Variants in MAP2K5 observed in about 807,000 individuals in gnomAD.
MAP2K5 encodes the protein mitogen-activated protein kinase kinase 5, also known as dual specificity mitogen-activated protein kinase kinase 5.
MAP2K5 carries 49 observed loss-of-function variants against 83.1 expected under a neutral mutation model. The ratio of observed to expected loss-of-function variants is 0.59; its 90% confidence interval spans 0.47 to 0.75. The LOEUF is 0.75. Among genes scored for constraint, MAP2K5 ranks in the 30% least tolerant of loss-of-function variants. The pLI, the probability that MAP2K5 is intolerant of heterozygous loss-of-function variation, is 0.00. For missense variants in MAP2K5, 457 were observed against 557.5 expected, an observed-to-expected ratio of 0.82 and a Z score of 1.82; for synonymous variants, 202 against 191.8, an observed-to-expected ratio of 1.05 and a Z score of -0.44.
Position 67,806,726 on chromosome 15 carries a change from G to A in MAP2K5, c.1323G>A (p.Arg441=). Residue 441 remains arginine, a synonymous_variant, in exon 22 of 22, where the codon AGG becomes AGA. Transcript: ENST00000178640. ...SMWVCRALEE[R]RSQQGPP ...GGGTGTGCCGGGCGCTGGAGGAGAG[G>A]CGGAGCCAGCAGGGGCCCCCGTGAG... 2 of 1,552,490 alleles carry A rather than the reference G, an allele frequency of 1.3e-6. No individual in the cohort carries two copies. Among genetic ancestry groups the A allele is most frequent in the Non-Finnish European group, 1.7e-6 (2 of 1,148,994 alleles).
rs1436483445 is a variant in MAP2K5, at chr15:67,562,195, A to T, written c.185-1088A>T. ...CCAGACGTTTTTGGCATTTCTTTCAACTGTGCATTTACAGTCTACTACATA... is the reference window on the plus strand; with the variant it reads ...CCAGACGTTTTTGGCATTTCTTTCATCTGTGCATTTACAGTCTACTACATA... On this transcript the variant is annotated intron_variant, in intron 2 of 21. Coordinates refer to ENST00000178640, the MANE Select transcript of MAP2K5 (RefSeq NM_145160.3). The surrounding 1 kb of genome is among the most constrained non-coding windows in gnomAD (Gnocchi z 4.1). 1.3e-5 allele frequency among the ~76,000 whole-genome samples: 2 copies of T among 152,166 alleles called. No homozygotes were observed. Among genetic ancestry groups the T allele is most frequent in the Non-Finnish European group, 2.9e-5 (2 of 68,032 alleles).
At chr15:67,583,473 G>GT (rs1281103588) in intron 4 of MAP2K5, among the ~76,000 whole-genome samples, 2 of 151,844 alleles carry the variant, frequency 1.3e-5, no homozygotes, top group African/African-American at 2.4e-5. Flanking sequence ...TTATTTCTGT[G>GT]TTTTTTTAAT....
chr15:67,586,808 G>C, intron 5 of MAP2K5, 38 bp from the exon 6 acceptor site: 1 of 1,589,790 alleles, frequency 6.3e-7, no homozygotes, highest in Non-Finnish European at 8.6e-7. Flanking sequence ...TGTGTCCTCA[G>C]AACACAAGAC....
intron 3 of MAP2K5, among the ~76,000 whole-genome samples, chr15:67,569,017 A>C (rs968757419): frequency 1.5e-4 from 22 of 151,256 alleles, no homozygotes; most frequent in Non-Finnish European, 2.4e-4. Context: ...AAAAAAAAAA[A>C]AACAAAAAAA....
At chr15:67,673,424 T>TA (rs1235147340) in intron 13 of MAP2K5, among the ~76,000 whole-genome samples, 4 of 152,184 alleles carry the variant, frequency 2.6e-5, no homozygotes, top group Admixed American at 2.6e-4. Context: ...TTAAAAATGT[T>TA]ATAAGAATAT....
intron 4 of MAP2K5, among the ~76,000 whole-genome samples, chr15:67,581,556 A>G (rs2085179687): frequency 6.6e-6 from 1 of 152,236 alleles, no homozygotes; most frequent in Admixed American, 6.5e-5. Context: ...ATGTTTTCTA[A>G]CTAATGGAAC....
chr15:67,801,204 A>G lies in MAP2K5; in HGVS notation c.1243-5442A>G, dbSNP rs1205821251. Reference sequence around the variant, plus strand: ...GGGAGATGCATAGAGCCTTCAAGCAAGGCTCACAGGTCCAGCAATGAAAGG... The same window carrying G: ...GGGAGATGCATAGAGCCTTCAAGCAGGGCTCACAGGTCCAGCAATGAAAGG... On this transcript the variant is annotated intron_variant, in intron 21 of 21. Transcript: ENST00000178640. The surrounding 1 kb of genome is among the most constrained non-coding windows in gnomAD (Gnocchi z 4.8). Among the ~76,000 whole-genome samples, 1 of 152,184 alleles carries G rather than the reference A, an allele frequency of 6.6e-6. No individual in the cohort carries two copies. Among genetic ancestry groups the G allele is most frequent in the African/African-American group, 2.4e-5 (1 of 41,442 alleles).
rs1237095852 is a variant in MAP2K5 at position 67,778,157 on chromosome 15, ATTAC to A, written c.1242+5411_1242+5414del. On this transcript the variant is annotated intron_variant, in intron 21 of 21. Transcript: ENST00000178640. The surrounding 1 kb of genome is among the most constrained non-coding windows in gnomAD (Gnocchi z 5.0). ...CTAGAAAAATCTGTTTAAACATTTAATTACTTACTAAGAGATGTTAACTTGTTTA... is the reference window on the plus strand; with the variant it reads ...CTAGAAAAATCTGTTTAAACATTTAATTACTAAGAGATGTTAACTTGTTTA... 1.3e-5 allele frequency among the ~76,000 whole-genome samples: 2 copies of A among 152,208 alleles called. No individual in the cohort carries two copies. Among genetic ancestry groups the A allele is most frequent in the African/African-American group, 2.4e-5 (1 of 41,450 alleles).
Position 67,806,780 on chromosome 15 carries a change from C to T in MAP2K5, c.*30C>T, listed in dbSNP as rs777655875. 6.3e-7 allele frequency: 1 copy of T among 1,585,918 alleles called. No homozygotes were observed. The highest frequency in any genetic ancestry group is 1.1e-5 in the South Asian group (1 of 87,804). On this transcript the variant is annotated 3_prime_UTR_variant, in exon 22 of 22. Coordinates refer to ENST00000178640, the MANE Select transcript of MAP2K5 (RefSeq NM_145160.3). ...GCCGCAGGGCACTGAAAGCCCAGGA[C>T]CAGTAACCAAGGAGAACAACCCACC...
At position 67,722,628 on chromosome 15, in the gene MAP2K5, A is replaced by G. The variant is rs185389224; in HGVS notation, c.1045-5288A>G. Among the ~76,000 whole-genome samples, 1 of 152,324 alleles carries G rather than the reference A, an allele frequency of 6.6e-6. No individual in the cohort carries two copies. Among genetic ancestry groups the G allele is most frequent in the East Asian group, 1.9e-4 (1 of 5,182 alleles). On this transcript the variant is annotated intron_variant, in intron 16 of 21. Coordinates refer to ENST00000178640, the MANE Select transcript of MAP2K5 (RefSeq NM_145160.3). This position sits in a 1 kb window ranked among gnomAD's most constrained non-coding sequence, Gnocchi z 4.2. ...TCACCAGCATAGTTTCAGATGATTT[A>G]AACTCTTTCTCTAGGACTGTGTAAA...
chr15:67,763,793 C>A (rs2089995247), intron 19 of MAP2K5, among the ~76,000 whole-genome samples: 1 of 152,102 alleles, frequency 6.6e-6, no homozygotes, highest in African/African-American at 2.4e-5. Flanking sequence ...ACAGGCAACA[C>A]GCTATCCTGC....
At chr15:67,703,957 T>A (rs2088486858) in intron 16 of MAP2K5, among the ~76,000 whole-genome samples, 1 of 152,050 alleles carries the variant, frequency 6.6e-6, no homozygotes, top group Non-Finnish European at 1.5e-5. Flanking sequence ...AGGGGTGGTG[T>A]GATATGATGG....
chr15:67,767,831 TA>T (rs1357081652), intron 19 of MAP2K5, among the ~76,000 whole-genome samples: 3 of 152,218 alleles, frequency 2.0e-5, no homozygotes, highest in African/African-American at 4.8e-5. Flanking sequence ...CGTCTCTGTG[TA>T]ATGCCTGCGT....
intron 13 of MAP2K5, among the ~76,000 whole-genome samples, chr15:67,682,069 A>G (rs1028569165): frequency 1.3e-5 from 2 of 152,162 alleles, no homozygotes; most frequent in African/African-American, 4.8e-5. Flanking sequence ...TTTGTTTTCC[A>G]TAACTTGATA....
intron 8 of MAP2K5, chr15:67,628,374 G>A (rs952531356): frequency 1.9e-6 from 1 of 525,262 alleles, no homozygotes. Context: ...CAGCTACTCG[G>A]GAGGCTGAGG....
In MAP2K5 at chr15:67,781,493, C is replaced by A. The variant is rs1267146393; in HGVS notation, c.1242+8741C>A. 6.6e-6 allele frequency among the ~76,000 whole-genome samples: 1 copy of A among 152,148 alleles called. No individual in the cohort carries two copies. Among genetic ancestry groups the A allele is most frequent in the Non-Finnish European group, 1.5e-5 (1 of 68,028 alleles). ...TGGCCATTTAGAGACTGCAGAAAGG[C>A]AGTAGAGACATTTGGGCCTACCGTC... On this transcript the variant is annotated intron_variant, in intron 21 of 21. Coordinates refer to ENST00000178640, the MANE Select transcript of MAP2K5 (RefSeq NM_145160.3). This position sits in a 1 kb window ranked among gnomAD's most constrained non-coding sequence, Gnocchi z 4.0.
At position 67,543,493 on chromosome 15, in the gene MAP2K5, G is replaced by A. The variant is rs752047907; in HGVS notation, c.135+23G>A. ...CTGGTGAGTGGTAATCTCAGTGTCC[G>A]GATGCCAGCAAGGGGGACTCAGGGA... On this transcript the variant is annotated intron_variant, in intron 1 of 21. Transcript: ENST00000178640. The surrounding 1 kb of genome is among the most constrained non-coding windows in gnomAD (Gnocchi z 4.3). 4 of 1,613,718 alleles carry A rather than the reference G, an allele frequency of 2.5e-6. No individual in the cohort carries two copies. In the South Asian group the frequency reaches 3.3e-5, roughly 13 times the overall value.
rs1315911514 is a variant in MAP2K5 at position 67,801,605 on chromosome 15, TTC to T, written c.1243-5038_1243-5037del. Among the ~76,000 whole-genome samples, 1 of 152,206 alleles carries T rather than the reference TTC, an allele frequency of 6.6e-6. No homozygotes were observed. Among genetic ancestry groups the T allele is most frequent in the Non-Finnish European group, 1.5e-5 (1 of 68,026 alleles). On this transcript the variant is annotated intron_variant, in intron 21 of 21. Transcript: ENST00000178640. The surrounding 1 kb of genome is among the most constrained non-coding windows in gnomAD (Gnocchi z 4.8). ...GGGTTTAAACTCTAACTCTGCCACT[TTC>T]TCCATGACCTTGCCACATAATATCA... is the stretch of plus-strand genomic sequence containing the variant.
chr15:67,547,402 A>C (rs1006208337), intron 1 of MAP2K5, among the ~76,000 whole-genome samples: 1 of 152,004 alleles, frequency 6.6e-6, no homozygotes, highest in African/African-American at 2.4e-5. Flanking sequence ...GGAAGAAGAA[A>C]AGTATCAAAA....
Sources: allele counts gnomAD v4.1 joint callset (sites outside exome capture counted in the v4.1 genomes callset), GRCh38; gene constraint gnomAD v4.1.1; non-coding constraint Gnocchi (gnomAD v3.1); transcripts MANE v1.5; gene names NCBI Gene and HGNC (gene_info 2026-07-23, HGNC 2026-07-21).